Variants in NR5A2 observed in about 807,000 individuals in gnomAD.
NR5A2 encodes nuclear receptor subfamily 5 group A member 2.
In NR5A2, 26 loss-of-function variants were observed where a neutral mutation model predicts 62.7. The observed-to-expected ratio is 0.41, with a 90% CI of 0.30 to 0.58. The LOEUF (loss-of-function observed/expected upper bound fraction) is 0.58, where lower values mean the gene tolerates loss of function less well. NR5A2 is among the 20% of genes least tolerant of loss of function. NR5A2 has a pLI of 0.22. For synonymous variants in NR5A2, 246 were observed against 241.7 expected, an observed-to-expected ratio of 1.02 and a Z score of -0.16; for missense variants, 541 against 669.1, an observed-to-expected ratio of 0.81 and a Z score of 2.11.
intron 7 of NR5A2, among the ~76,000 whole-genome samples, chr1:200,167,941 G>T (rs1439353788): frequency 6.6e-6 from 1 of 152,046 alleles, no homozygotes; most frequent in Non-Finnish European, 1.5e-5. Context: ...TCCTGTAAGG[G>T]CACTGCTTAT....
chr1:200,131,314 A>G (rs1488314239), intron 7 of NR5A2, among the ~76,000 whole-genome samples: 1 of 152,206 alleles, frequency 6.6e-6, no homozygotes, highest in Non-Finnish European at 1.5e-5. Flanking sequence ...GTTTGAACTT[A>G]ATCAATATGA....
intron 5 of NR5A2, among the ~76,000 whole-genome samples, chr1:200,083,158 A>G (rs1029048372): frequency 3.3e-5 from 5 of 152,190 alleles, no homozygotes; most frequent in Non-Finnish European, 7.4e-5. Context: ...TAGTTTTGAG[A>G]CTTCACTGTC....
intron 5 of NR5A2, among the ~76,000 whole-genome samples, chr1:200,087,238 ACCAACAC>A (rs1324223752): frequency 9.0e-6 from 1 of 110,802 alleles, no homozygotes; most frequent in East Asian, 2.6e-4. Flanking sequence ...ACCCTTCTTC[ACCAACAC>A]ACACACACAC....
chr1:200,105,321 G>C (rs1048143200), intron 5 of NR5A2, among the ~76,000 whole-genome samples: 3 of 151,282 alleles, frequency 2.0e-5, no homozygotes, highest in Non-Finnish European at 2.9e-5. Context: ...AACACTGAGA[G>C]AGAAAAAAAA....
Position 200,147,750 on chromosome 1 carries a change from GCGGATGCCGGCGCGAATGCCGGCA to G in NR5A2, c.1379-26201_1379-26178del, listed in dbSNP as rs997890438. 18 of 537,152 alleles carry G rather than the reference GCGGATGCCGGCGCGAATGCCGGCA, an allele frequency of 3.4e-5. No individual in the cohort carries two copies. The highest frequency in any genetic ancestry group is 5.6e-5 in the Non-Finnish European group (16 of 285,438). The allele number at this position is 537,152 out of a possible 1,614,324, so 33.3% of individuals were successfully genotyped here. ...CCTCTCCCACGTCCACGGTGAAGAC[GCGGATGCCGGCGCGAATGCCGGCA>G]CGGATGCCGGCACGGTGGGCAGCCG... On this transcript the variant is annotated intron_variant, in intron 7 of 7. Transcript: ENST00000367362. This position sits in a 1 kb window ranked among gnomAD's most constrained non-coding sequence, Gnocchi z 4.9.
intron 5 of NR5A2, among the ~76,000 whole-genome samples, chr1:200,102,503 T>G (rs970733189): frequency 2.6e-5 from 4 of 152,156 alleles, no homozygotes; most frequent in South Asian, 2.1e-4. Context: ...CCAACTGCTG[T>G]GCTATTCGTT....
At chr1:200,121,033 T>C in intron 7 of NR5A2, 78 bp downstream of exon 7, 1 of 1,487,792 alleles carries the variant, frequency 6.7e-7, no homozygotes. Flanking sequence ...TTGTGGTCCA[T>C]GTATGTTTTT....
chr1:200,073,066 T>C (rs1055834271), intron 5 of NR5A2, among the ~76,000 whole-genome samples: 5 of 151,970 alleles, frequency 3.3e-5, no homozygotes, highest in African/African-American at 1.2e-4. Context: ...ATTGCTTGCC[T>C]TTTTGTTAAC....
chr1:200,053,219 C>T lies in NR5A2; in HGVS notation c.1110+4401C>T, dbSNP rs368477303. Among the ~76,000 whole-genome samples the T allele has an allele frequency of 3.9e-5, 6 of 152,076 alleles. No individual in the cohort carries two copies. The East Asian group carries it at 5.8e-4, about 15-fold the overall frequency. ...AAAAGGGCTAGAGGACACATATAAG[C>T]GAGCTGCTTTGTTTTTTTAACACAC... On this transcript the variant is annotated intron_variant, in intron 5 of 7. Transcript: ENST00000367362.
intron 2 of NR5A2, among the ~76,000 whole-genome samples, chr1:200,040,680 C>G (rs944786579): frequency 2.6e-5 from 4 of 152,218 alleles, no homozygotes; most frequent in Admixed American, 6.5e-5. Flanking sequence ...GCAGGATGTG[C>G]GGGCCGGCGG....
chr1:200,028,425 CAAAAAA>C (rs67706127), intron 1 of NR5A2, among the ~76,000 whole-genome samples: 1 of 83,634 alleles, frequency 1.2e-5, no homozygotes, highest in African/African-American at 3.5e-5. Context: ...CCCCCACCTC[CAAAAAA>C]AAAAAAAAAA....
chr1:200,119,709 C>A lies in NR5A2; in HGVS notation c.1231-1099C>A, dbSNP rs537526733. ...TGGCACGATCTTGGCTCACTGCAACCTCCGCCTCCCAGGTTCAAGCAATTC... is the reference window on the plus strand; with the variant it reads ...TGGCACGATCTTGGCTCACTGCAACATCCGCCTCCCAGGTTCAAGCAATTC... On this transcript the variant is annotated intron_variant, in intron 6 of 7. Transcript: ENST00000367362. Among the ~76,000 whole-genome samples, 340 of 152,272 alleles carry A rather than the reference C, an allele frequency of 2.2e-3. 2 individuals carry two copies. The highest frequency in any genetic ancestry group is 8.0e-3 in the African/African-American group (331 of 41,558).
intron 5 of NR5A2, among the ~76,000 whole-genome samples, chr1:200,099,632 C>T (rs765540433): frequency 3.9e-5 from 6 of 152,182 alleles, no homozygotes; most frequent in South Asian, 2.1e-4. Flanking sequence ...CTTGCTCTGT[C>T]GCCCGGGCTG....
At chr1:200,172,264 GATAC>G (rs1375802117) in intron 7 of NR5A2, among the ~76,000 whole-genome samples, 1 of 152,032 alleles carries the variant, frequency 6.6e-6, no homozygotes, top group African/African-American at 2.4e-5. Context: ...TATGACTCTG[GATAC>G]ATAGCCATAC....
At chr1:200,136,048 C>A (rs148522500) in intron 7 of NR5A2, among the ~76,000 whole-genome samples, 1 of 152,118 alleles carries the variant, frequency 6.6e-6, no homozygotes, top group Non-Finnish European at 1.5e-5. Context: ...AGACTCAAGC[C>A]GCTTCACTTT....
intron 6 of NR5A2, among the ~76,000 whole-genome samples, chr1:200,120,411 C>CAT (rs1666428762): frequency 2.0e-5 from 3 of 152,208 alleles, no homozygotes; most frequent in South Asian, 2.1e-4. Context: ...ATAAAAAAGG[C>CAT]ATATATACTT....
In NR5A2 at chr1:200,039,565, C is replaced by A; in HGVS notation, c.65-93C>A. On this transcript the variant is annotated intron_variant, in intron 1 of 7. Coordinates refer to ENST00000367362, the MANE Select transcript of NR5A2 (RefSeq NM_205860.3). The surrounding 1 kb of genome is among the most constrained non-coding windows in gnomAD (Gnocchi z 5.1). Reference sequence around the variant, plus strand: ...CGGCAGCCCCGAGGAGGCGGAGGCACGCTCCGGCGAGGCGAGAGGGTTGGG... The same window carrying A: ...CGGCAGCCCCGAGGAGGCGGAGGCAAGCTCCGGCGAGGCGAGAGGGTTGGG... 6.4e-7 allele frequency: 1 copy of A among 1,570,218 alleles called. No homozygotes were observed. Among genetic ancestry groups the A allele is most frequent in the South Asian group, 1.1e-5 (1 of 87,832 alleles).
chr1:200,157,617 G>A (rs1653449644), intron 7 of NR5A2, among the ~76,000 whole-genome samples: 1 of 152,138 alleles, frequency 6.6e-6, no homozygotes, highest in South Asian at 2.1e-4. Context: ...AAACAAATTG[G>A]AAATATGGAT....
At chr1:200,135,740 T>C (rs1040955884) in intron 7 of NR5A2, among the ~76,000 whole-genome samples, 3 of 152,184 alleles carry the variant, frequency 2.0e-5, no homozygotes, top group African/African-American at 7.2e-5. Context: ...TGAAGCATGA[T>C]TGTGATGGTT....
Sources: gnomAD v4.1 joint callset for allele counts (sites outside exome capture counted in the v4.1 genomes callset) on GRCh38, gnomAD v4.1.1 for gene constraint, Gnocchi (gnomAD v3.1) non-coding constraint, MANE v1.5 for transcripts, NCBI Gene and HGNC (gene_info 2026-07-23, HGNC 2026-07-21) for gene names.